RASSF8: variants seen among roughly 807,000 people sequenced by gnomAD.
RASSF8 encodes the protein ras association domain-containing protein 8.
In RASSF8, 22 loss-of-function variants were observed where a neutral mutation model predicts 48.5. The observed-to-expected ratio is 0.45, with a 90% CI of 0.32 to 0.65. The LOEUF (loss-of-function observed/expected upper bound fraction) is 0.65. Among genes scored for constraint, RASSF8 ranks in the 30% least tolerant of loss-of-function variants. The probability of loss-of-function intolerance (pLI) is 0.03; values close to 1 mark genes in which losing one functional copy is unlikely to be tolerated. For missense variants in RASSF8, 418 were observed against 489.2 expected, an observed-to-expected ratio of 0.85 and a Z score of 1.37; for synonymous variants, 127 against 171.5, an observed-to-expected ratio of 0.74 and a Z score of 2.03.
chr12:26,051,703 A>T (rs1327484924), intron 2 of RASSF8, among the ~76,000 whole-genome samples: 1 of 152,192 alleles, frequency 6.6e-6, no homozygotes, highest in Admixed American at 6.5e-5. Context: ...TCTATTTCAA[A>T]GTCACAGACA....
chr12:25,986,950 G>T lies in RASSF8; in HGVS notation c.-202-8087G>T, dbSNP rs1691893. On this transcript the variant is annotated intron_variant, in intron 1 of 5. Transcript: ENST00000689635. ...TTTTTGTTTGTTTGTTTGTTTGTTT[G>T]TTTTGCAACGGAGTTTCGCTCGTCG... 1.4e-4 allele frequency among the ~76,000 whole-genome samples: 21 copies of T among 149,790 alleles called. 1 individual carries two copies. The highest frequency in any genetic ancestry group is 4.2e-4 in the African/African-American group (17 of 40,474).
At chr12:26,059,463 T>C (rs1180664463) in intron 3 of RASSF8, among the ~76,000 whole-genome samples, 2 of 152,202 alleles carry the variant, frequency 1.3e-5, no homozygotes, top group Admixed American at 6.5e-5. Flanking sequence ...TCTTGAAATT[T>C]AGAAAACACA....
downstream of RASSF8, among the ~76,000 whole-genome samples, chr12:26,073,815 TACACATACACACAC>T (rs1285257789): frequency 2.3e-5 from 2 of 85,766 alleles, no homozygotes; most frequent in African/African-American, 1.4e-4. Flanking sequence ...CACATATATA[TACACATACACACAC>T]ACACACACAC....
chr12:26,019,557 C>T (rs1328434978), intron 2 of RASSF8, among the ~76,000 whole-genome samples: 2 of 143,708 alleles, frequency 1.4e-5, no homozygotes, highest in Admixed American at 7.0e-5. Flanking sequence ...GAAGTTCGGG[C>T]ATACACTGTG....
intron 2 of RASSF8, among the ~76,000 whole-genome samples, chr12:26,052,098 G>A (rs919783574): frequency 1.3e-5 from 2 of 152,194 alleles, no homozygotes; most frequent in African/African-American, 4.8e-5. Flanking sequence ...GAGCGTGTGT[G>A]TCAGCTAAAA....
At chr12:26,030,153 A>G (rs10771256) in intron 2 of RASSF8, among the ~76,000 whole-genome samples, 71,681 of 152,124 alleles carry the variant, frequency 0.47, 17,258 homozygotes, top group Non-Finnish European at 0.52. Context: ...TTTCTAGTAT[A>G]TAATTGATAA....
At chr12:25,996,147 A>G (rs936150830) in intron 2 of RASSF8, among the ~76,000 whole-genome samples, 2 of 152,184 alleles carry the variant, frequency 1.3e-5, no homozygotes, top group African/African-American at 2.4e-5. Context: ...AAGGCTGCAA[A>G]TGTTGAGAGT....
At chr12:26,035,384 AATATAATTATATGAAATTATATAATT>A (rs1565629478) in intron 2 of RASSF8, among the ~76,000 whole-genome samples, 2 of 121,520 alleles carry the variant, frequency 1.6e-5, no homozygotes. Flanking sequence ...ATAATCATAT[AATATAATTATATGAAATTATATAATT>A]ATATAAGTAT....
intron 2 of RASSF8, among the ~76,000 whole-genome samples, chr12:26,011,467 CA>C (rs962705780): frequency 6.6e-6 from 1 of 152,100 alleles, no homozygotes; most frequent in African/African-American, 2.4e-5. Flanking sequence ...CCTGCAGTCC[CA>C]AAAACACCTG....
chr12:26,042,996 C>A (rs764276594), intron 2 of RASSF8, among the ~76,000 whole-genome samples: 6 of 152,110 alleles, frequency 3.9e-5, no homozygotes, highest in Non-Finnish European at 8.8e-5. Context: ...CCCATTCCCC[C>A]CCTAGTTAAG....
downstream of RASSF8, among the ~76,000 whole-genome samples, chr12:26,075,077 T>C (rs1944060398): frequency 6.6e-6 from 1 of 152,200 alleles, no homozygotes; most frequent in African/African-American, 2.4e-5. Context: ...CCAGAGGTGA[T>C]GGTAACTCAA....
chr12:25,963,540 A>G (rs1487260063), intron 1 of RASSF8, among the ~76,000 whole-genome samples: 2 of 152,186 alleles, frequency 1.3e-5, no homozygotes, highest in Non-Finnish European at 2.9e-5. Flanking sequence ...AGTATTCCTT[A>G]AAAATCATTT....
rs189067340 is a variant in RASSF8 at position 26,047,056 on chromosome 12, C to T, written c.-108-8180C>T. Among the ~76,000 whole-genome samples the T allele has an allele frequency of 2.7e-3, 409 of 152,250 alleles. 2 individuals carry two copies. Among genetic ancestry groups the T allele is most frequent in the African/African-American group, 9.1e-3 (377 of 41,550 alleles). ...CTAATCCCAGTTCTGAGAGCTTTAA[C>T]GGGAGTTAAACCATCATAGAACTTG... On this transcript the variant is annotated intron_variant, in intron 2 of 5. Transcript: ENST00000689635.
intron 3 of RASSF8, among the ~76,000 whole-genome samples, chr12:26,063,552 T>A (rs1393648527): frequency 2.6e-5 from 4 of 152,054 alleles, no homozygotes; most frequent in African/African-American, 9.7e-5. Context: ...CACAGCACCA[T>A]TCCCGGCTAA....
chr12:25,969,679 A>G lies in RASSF8; in HGVS notation c.-203+10531A>G, dbSNP rs534574618. On this transcript the variant is annotated intron_variant, in intron 1 of 5. Coordinates refer to ENST00000689635, the MANE Select transcript of RASSF8 (RefSeq NM_001394098.1). ...GAGGATTGGATCTGCTTTTCTTTCC[A>G]TCCTGGAACTTTCCAAGTTTTCTTT... Among the ~76,000 whole-genome samples the G allele has an allele frequency of 9.2e-5, 14 of 152,174 alleles. No individual in the cohort carries two copies. In the East Asian group the frequency reaches 2.7e-3, roughly 30 times the overall value.
At chr12:26,037,942 A>T (rs545181939) in intron 2 of RASSF8, among the ~76,000 whole-genome samples, 1 of 152,332 alleles carries the variant, frequency 6.6e-6, no homozygotes, top group East Asian at 1.9e-4. Flanking sequence ...AAAAGCAGGT[A>T]TGTATTAACC....
intron 2 of RASSF8, among the ~76,000 whole-genome samples, chr12:26,022,723 C>A (rs1203753321): frequency 1.3e-5 from 2 of 151,416 alleles, no homozygotes; most frequent in Non-Finnish European, 2.9e-5. Flanking sequence ...ACTAAAGGGG[C>A]TCCACAGTTG....
At chr12:26,049,430 C>A (rs1320175879) in intron 2 of RASSF8, among the ~76,000 whole-genome samples, 11 of 152,198 alleles carry the variant, frequency 7.2e-5, no homozygotes, top group African/African-American at 2.4e-4. Context: ...TACATTTCCA[C>A]TGTGAACTTT....
At chr12:26,036,016 G>T (rs1943143660) in intron 2 of RASSF8, among the ~76,000 whole-genome samples, 1 of 148,024 alleles carries the variant, frequency 6.8e-6, no homozygotes, top group African/African-American at 2.5e-5. Context: ...TGAGCATAAG[G>T]GCCCAAACTC....
Sources: allele counts gnomAD v4.1 joint callset (sites outside exome capture counted in the v4.1 genomes callset), GRCh38; gene constraint gnomAD v4.1.1; transcripts MANE v1.5; gene names NCBI Gene and HGNC (gene_info 2026-07-23, HGNC 2026-07-21).